Variants in GRAP2 observed in about 807,000 individuals in gnomAD.
GRAP2 encodes the protein GRB2-related adapter protein 2.
A neutral mutation model predicts 43.5 loss-of-function variants in GRAP2; 31 were observed. The observed-to-expected ratio is 0.71, with a 90% CI of 0.54 to 0.96. The LOEUF (loss-of-function observed/expected upper bound fraction) is 0.96, where lower values mean the gene tolerates loss of function less well. GRAP2 is among the 40% of genes least tolerant of loss of function. The pLI, the probability that GRAP2 is intolerant of heterozygous loss-of-function variation, is 0.00. For missense variants in GRAP2, 371 were observed against 424.4 expected, an observed-to-expected ratio of 0.87 and a Z score of 1.11; for synonymous variants, 156 against 164.8, an observed-to-expected ratio of 0.95 and a Z score of 0.41.
chr22:39,962,089 G>A (rs776089855), intron 4 of GRAP2, among the ~76,000 whole-genome samples: 4 of 152,146 alleles, frequency 2.6e-5, no homozygotes, highest in Non-Finnish European at 5.9e-5. Context: ...TTCTAATCTT[G>A]TTAGGTCTTA....
At chr22:39,906,004 A>G (rs111684101) in intron 1 of GRAP2, among the ~76,000 whole-genome samples, 1 of 152,234 alleles carries the variant, frequency 6.6e-6, no homozygotes, top group African/African-American at 2.4e-5. Context: ...TTACATTTAC[A>G]TAGCTTAAGG....
intron 1 of GRAP2, among the ~76,000 whole-genome samples, chr22:39,925,015 G>T (rs1293477323): frequency 1.3e-5 from 2 of 152,216 alleles, no homozygotes; most frequent in African/African-American, 4.8e-5. Context: ...AGGCAGAGTG[G>T]TGGGAACATT....
chr22:39,962,616 G>A (rs1272599646), intron 4 of GRAP2, among the ~76,000 whole-genome samples: 1 of 152,052 alleles, frequency 6.6e-6, no homozygotes, highest in African/African-American at 2.4e-5. Flanking sequence ...TGGTTTGCAT[G>A]AAGATGACTC....
intron 1 of GRAP2, among the ~76,000 whole-genome samples, chr22:39,910,432 C>T (rs1475480730): frequency 6.6e-6 from 1 of 151,148 alleles, no homozygotes; most frequent in Non-Finnish European, 1.5e-5. Flanking sequence ...TTTTTGAGAC[C>T]AAGTCTCGCT....
chr22:39,971,127 A>G lies in GRAP2; in HGVS notation c.*43A>G. On this transcript the variant is annotated 3_prime_UTR_variant, in exon 8 of 8. Transcript: ENST00000344138. Reference sequence around the variant, plus strand: ...AGCTTTTTGTCTGGAGCTGCCCACAAGAAAGAGGGCAAGGAAAAAAGGCTG... The same window carrying G: ...AGCTTTTTGTCTGGAGCTGCCCACAGGAAAGAGGGCAAGGAAAAAAGGCTG... 1 of 1,478,270 alleles carries G rather than the reference A, an allele frequency of 6.8e-7. No homozygotes were observed. Among genetic ancestry groups the G allele is most frequent in the Non-Finnish European group, 9.3e-7 (1 of 1,073,008 alleles). 91.6% of individuals were successfully genotyped at this position (1,478,270 alleles called of 1,614,324 possible).
At chr22:39,935,641 C>T (rs1269465755) in intron 1 of GRAP2, among the ~76,000 whole-genome samples, 1 of 152,112 alleles carries the variant, frequency 6.6e-6, no homozygotes, top group East Asian at 1.9e-4. Context: ...ATAGACTTAT[C>T]GAATGAAGCA....
chr22:39,895,626 C>T, the GRAP2 span, among the ~76,000 whole-genome samples: 2 of 151,948 alleles, frequency 1.3e-5, no homozygotes, highest in Non-Finnish European at 2.9e-5. Context: ...GAGAAGTAGG[C>T]GTTATTATCC....
At chr22:39,951,968 C>T (rs1439772595) in intron 2 of GRAP2, among the ~76,000 whole-genome samples, 1 of 151,180 alleles carries the variant, frequency 6.6e-6, no homozygotes. Context: ...GGCATGATAA[C>T]TAAAATTACA....
At chr22:39,960,867 C>T (rs2067112079) in intron 4 of GRAP2, 1 of 152,054 alleles carries the variant, frequency 6.6e-6, no homozygotes, top group Non-Finnish European at 1.5e-5. Context: ...GACAGACAGC[C>T]CTGTAGAAAT....
rs139257261 is a variant in GRAP2 at position 39,957,691 on chromosome 22, T to C, written c.170+1781T>C. 8.5e-3 allele frequency among the ~76,000 whole-genome samples: 1,300 copies of C among 152,256 alleles called. 6 individuals carry two copies. The highest frequency in any genetic ancestry group is 0.012 in the Non-Finnish European group (790 of 68,008). On this transcript the variant is annotated intron_variant, in intron 3 of 7. Coordinates refer to ENST00000344138, the MANE Select transcript of GRAP2 (RefSeq NM_004810.4). The stretch of plus-strand genomic sequence containing the variant: ...GGCTGATGCCTGTAATCCCAGTCCT[T>C]TGAGAGGCTGAGGGAGGAGGATCAC...
At chr22:39,959,752 G>A (rs962456192) in intron 3 of GRAP2, among the ~76,000 whole-genome samples, 4 of 152,134 alleles carry the variant, frequency 2.6e-5, no homozygotes, top group Admixed American at 2.6e-4. Context: ...TTCCTGCAGT[G>A]AGTCACTCCC....
chr22:39,945,784 T>C (rs933250047), intron 1 of GRAP2, among the ~76,000 whole-genome samples: 1 of 152,202 alleles, frequency 6.6e-6, no homozygotes, highest in Non-Finnish European at 1.5e-5. Flanking sequence ...TGGGGAAAAA[T>C]TCATTCCATA....
At chr22:39,902,101 A>G (rs1871982857) in intron 1 of GRAP2, among the ~76,000 whole-genome samples, 1 of 152,248 alleles carries the variant, frequency 6.6e-6, no homozygotes, top group South Asian at 2.1e-4. Flanking sequence ...AATAAAGTGT[A>G]TGCAGCATAA....
At chr22:39,962,422 C>T (rs901953629) in intron 4 of GRAP2, among the ~76,000 whole-genome samples, 1 of 151,854 alleles carries the variant, frequency 6.6e-6, no homozygotes, top group African/African-American at 2.4e-5. Context: ...AAGACCCTGT[C>T]TCAAGAGAAA....
At chr22:39,910,741 T>TAAA (rs558928417) in intron 1 of GRAP2, among the ~76,000 whole-genome samples, 1 of 141,492 alleles carries the variant, frequency 7.1e-6, no homozygotes, top group Non-Finnish European at 1.5e-5. Flanking sequence ...ACTGTTGATT[T>TAAA]AAAAAAAAAA....
chr22:39,955,847 A>T lies in GRAP2; in HGVS notation c.107A>T (p.Lys36Met). ...TTAAGTAACCAAGAGGAGTGGTTTA[A>T]GGCGGAGCTTGGGAGCCAGGAAGGA... ...KILSNQEEWF[K>M]AELGSQEGYV... Residue 36 changes from lysine (K) to methionine (M), a missense_variant, in exon 3 of 8, where the codon AAG becomes ATG. Physicochemically the swap from Lys to Met is moderately conservative, Grantham distance 95 (BLOSUM62 -1). Transcript: ENST00000344138. The T allele has an allele frequency of 6.3e-7, 1 of 1,586,200 alleles. No individual in the cohort carries two copies. The highest frequency in any genetic ancestry group is 1.1e-5 in the South Asian group (1 of 90,554).
chr22:39,938,890 A>AGCTCAGCC (rs1242897246), intron 1 of GRAP2, among the ~76,000 whole-genome samples: 1 of 152,210 alleles, frequency 6.6e-6, no homozygotes, highest in Non-Finnish European at 1.5e-5. Flanking sequence ...TTGCATCAGC[A>AGCTCAGCC]GCTCAGCCGC....
At chr22:39,898,951 A>AT (rs1433103525), upstream of GRAP2, among the ~76,000 whole-genome samples, 12 of 152,374 alleles carry the variant, frequency 7.9e-5, no homozygotes, top group East Asian at 1.2e-3. Context: ...GGCTAAGTCC[A>AT]TATTTCACAT....
intron 6 of GRAP2, 186 bp downstream of exon 6, chr22:39,968,458 A>AACAC (rs138010): frequency 1.2e-4 from 63 of 524,000 alleles, no homozygotes; most frequent in African/African-American, 8.6e-4. Flanking sequence ...CTCCCACCTG[A>AACAC]ACACACACAC....
Sources: allele counts gnomAD v4.1 joint callset (sites outside exome capture counted in the v4.1 genomes callset), GRCh38; gene constraint gnomAD v4.1.1; transcripts MANE v1.5; gene names NCBI Gene and HGNC (gene_info 2026-07-23, HGNC 2026-07-21).